Variants in CLIP1 observed in about 807,000 individuals in gnomAD.
CLIP1 encodes the protein CAP-Gly domain-containing linker protein 1.
A neutral mutation model predicts 161.6 loss-of-function variants in CLIP1; 66 were observed. The ratio of observed to expected loss-of-function variants is 0.41; its 90% CI spans 0.33 to 0.50. The LOEUF (loss-of-function observed/expected upper bound fraction) is 0.50, where lower values mean the gene tolerates loss of function less well. Among genes scored for constraint, CLIP1 ranks in the 20% least tolerant of loss-of-function variants. The probability of loss-of-function intolerance (pLI) is 0.27; values close to 1 mark genes in which losing one functional copy is unlikely to be tolerated. For missense variants in CLIP1, 1,376 were observed against 1,702.0 expected (o/e 0.81, Z 3.37); for synonymous variants, 598 against 626.2 (o/e 0.96, Z 0.67).
At chr12:122,288,645 T>A (rs544797020) in intron 20 of CLIP1, 104 bp from the exon 21 acceptor site, 24 of 896,148 alleles carry the variant, frequency 2.7e-5, no homozygotes, top group African/African-American at 2.0e-4. Context: ...GCTAAAGCCA[T>A]TGGCTTTCCT....
rs1566195626 is a variant in CLIP1 at position 122,377,907 on chromosome 12, A to G, written c.139T>C (p.Ser47Pro). 6.2e-7 allele frequency: 1 copy of G among 1,613,900 alleles called. No homozygotes were observed. The highest frequency in any genetic ancestry group is 1.3e-5 in the African/African-American group (1 of 74,974). ...ACAAATTCCTCCTGAGTCTCAGATGATGGAGTGCTTGATGCTTTTTCACTG... is the reference window on the plus strand; with the variant it reads ...ACAAATTCCTCCTGAGTCTCAGATGGTGGAGTGCTTGATGCTTTTTCACTG... The part of the protein sequence containing the change: ...ISSEKASSTP[S>P]SETQEEFVDD... Residue 47 changes from serine (S) to proline (P), a missense_variant, in exon 3 of 26, where the codon TCA becomes CCA. Transcript: ENST00000620786.
chr12:122,341,342 G>A lies in CLIP1; in HGVS notation c.1862C>T (p.Ala621Val), dbSNP rs376855869. Residue 621 changes from alanine to valine, a missense_variant, in exon 11 of 26, where the codon GCT becomes GTT. This residue lies in a region of CLIP1 where 948 missense variants were observed against 1,134.8 expected (regional missense o/e 0.84). Transcript: ENST00000620786. The part of the protein sequence containing the change: ...HANKENSDVI[A>V]LWKSKLETAI... The stretch of plus-strand genomic sequence containing the variant: ...AGTCTCCAGTTTGGACTTCCATAGA[G>A]CTATCACATCTGAGTTCTCTTTGTT... 6.2e-7 allele frequency: 1 copy of A among 1,614,116 alleles called. No homozygotes were observed. Among genetic ancestry groups the A allele is most frequent in the Non-Finnish European group, 8.5e-7 (1 of 1,180,018 alleles).
At position 122,290,737 on chromosome 12, in the gene CLIP1, A is replaced by T. The variant is rs12578167; in HGVS notation, c.3595-2196T>A. On this transcript the variant is annotated intron_variant, in intron 20 of 25. Transcript: ENST00000620786. ...CCATGTGCCTGAATTTCCAAGGAAG[A>T]GATGTTTGATATTTATCATACTGAT... 1.1e-4 allele frequency among the ~76,000 whole-genome samples: 16 copies of T among 152,260 alleles called. No homozygotes were observed. In the East Asian group the frequency reaches 2.9e-3, roughly 28 times the overall value.
intron 10 of CLIP1, among the ~76,000 whole-genome samples, chr12:122,346,565 C>T (rs750201543): frequency 1.7e-4 from 26 of 152,082 alleles, no homozygotes; most frequent in Non-Finnish European, 2.2e-4. Context: ...TGCAGTGGCA[C>T]GATCTCAGCT....
intron 1 of CLIP1, among the ~76,000 whole-genome samples, chr12:122,385,289 G>A (rs1372288647): frequency 3.9e-5 from 6 of 152,106 alleles, no homozygotes; most frequent in Admixed American, 3.9e-4. Context: ...GGACATCTGA[G>A]ATGGGTAAAA....
chr12:122,371,477 C>T (rs567301128), intron 3 of CLIP1, among the ~76,000 whole-genome samples: 10 of 152,280 alleles, frequency 6.6e-5, no homozygotes, highest in East Asian at 1.9e-4. Context: ...TCAAAGCCAA[C>T]GTTGCAGGCA....
In CLIP1 at chr12:122,340,526, G is replaced by A. The variant is rs147548655; in HGVS notation, c.2451+227C>T. On this transcript the variant is annotated intron_variant, in intron 11 of 25. Coordinates refer to ENST00000620786, the MANE Select transcript of CLIP1 (RefSeq NM_001247997.2). ...AAATAGATCAGGTACCCAGATAACA[G>A]GCAACCAAAATAAATTCACATGGTT... Among the ~76,000 whole-genome samples, 123 of 152,236 alleles carry A rather than the reference G, an allele frequency of 8.1e-4. 2 individuals are homozygous for A. In the East Asian group the frequency reaches 0.021, roughly 26 times the overall value.
chr12:122,276,441 T>A, intron 24 of CLIP1: 4 of 1,282,126 alleles, frequency 3.1e-6, no homozygotes, highest in Non-Finnish European at 4.1e-6. Flanking sequence ...AAACGAACCA[T>A]TTGCTGATTG....
At chr12:122,403,614 G>A (rs1956219016) in intron 1 of CLIP1, among the ~76,000 whole-genome samples, 2 of 150,458 alleles carry the variant, frequency 1.3e-5, no homozygotes, top group East Asian at 3.9e-4. Flanking sequence ...TGCCTCCTGG[G>A]TTCAAGCGAT....
In CLIP1 at chr12:122,279,194, T is replaced by C; in HGVS notation, c.3648-49A>G. ...TTCCACAAATCAACCGAAAGACTGG[T>C]CAGTGTACAACTGTTCTAGAACAAA... On this transcript the variant is annotated intron_variant, in intron 21 of 25. Coordinates refer to ENST00000620786, the MANE Select transcript of CLIP1 (RefSeq NM_001247997.2). This position sits in a 1 kb window ranked among gnomAD's most constrained non-coding sequence, Gnocchi z 4.5. The C allele has an allele frequency of 8.0e-7, 1 of 1,248,650 alleles. No homozygotes were observed. The highest frequency in any genetic ancestry group is 2.3e-5 in the East Asian group (1 of 43,238). The allele number at this position is 1,248,650 out of a possible 1,614,324, so 77.3% of individuals were successfully genotyped here.
chr12:122,291,024 C>A (rs534036206), intron 20 of CLIP1, among the ~76,000 whole-genome samples: 3 of 151,586 alleles, frequency 2.0e-5, no homozygotes, highest in Non-Finnish European at 4.4e-5. Flanking sequence ...TCCTAAGTAG[C>A]TGGGATTACA....
At chr12:122,278,621 C>T (rs934492553) in intron 23 of CLIP1, 171 bp downstream of exon 23, 7 of 654,244 alleles carry the variant, frequency 1.1e-5, no homozygotes, top group Admixed American at 1.0e-4. Flanking sequence ...GCCCCAGGAA[C>T]GGGGATGGCA....
chr12:122,299,841 G>A (rs1950615582), intron 20 of CLIP1, among the ~76,000 whole-genome samples: 1 of 151,914 alleles, frequency 6.6e-6, no homozygotes, highest in Non-Finnish European at 1.5e-5. Context: ...GCGTGAACCC[G>A]GGAGGCGGAG....
intron 12 of CLIP1, among the ~76,000 whole-genome samples, chr12:122,336,005 T>C (rs1952199207): frequency 6.6e-6 from 1 of 152,048 alleles, no homozygotes; most frequent in Admixed American, 6.6e-5. Context: ...TACTCATGAG[T>C]ATCAGCCTTG....
intron 1 of CLIP1, among the ~76,000 whole-genome samples, chr12:122,393,783 G>A (rs935083290): frequency 2.6e-5 from 4 of 151,570 alleles, no homozygotes; most frequent in East Asian, 2.0e-4. Flanking sequence ...GTGGTGGTGC[G>A]CACCAGTAGT....
At chr12:122,405,009 G>A (rs1294601262) in intron 1 of CLIP1, among the ~76,000 whole-genome samples, 1 of 152,004 alleles carries the variant, frequency 6.6e-6, no homozygotes, top group Non-Finnish European at 1.5e-5. Flanking sequence ...TTGTCTATAG[G>A]ACTGACTTAA....
chr12:122,385,002 A>G (rs1227675232), intron 1 of CLIP1, among the ~76,000 whole-genome samples: 1 of 147,220 alleles, frequency 6.8e-6, no homozygotes, highest in Non-Finnish European at 1.5e-5. Context: ...GCGCAATCTC[A>G]GCTCTCTGCG....
At chr12:122,379,480 G>A (rs998135601) in intron 2 of CLIP1, among the ~76,000 whole-genome samples, 2 of 151,248 alleles carry the variant, frequency 1.3e-5, no homozygotes, top group Non-Finnish European at 2.9e-5. Context: ...CAGACGTGGT[G>A]GAGCGCGCCT....
At chr12:122,411,630 C>T (rs185474445) in intron 1 of CLIP1, among the ~76,000 whole-genome samples, 43 of 152,180 alleles carry the variant, frequency 2.8e-4, no homozygotes, top group African/African-American at 9.2e-4. Context: ...CTATGTTAAG[C>T]GAAGGAAGCC....
Sources: allele counts gnomAD v4.1 joint callset (sites outside exome capture counted in the v4.1 genomes callset), GRCh38; gene constraint gnomAD v4.1.1; regional missense constraint gnomAD v4.1.1; non-coding constraint Gnocchi (gnomAD v3.1); transcripts MANE v1.5; gene names NCBI Gene and HGNC (gene_info 2026-07-23, HGNC 2026-07-21).